Variants in RRM2 observed in about 807,000 individuals in gnomAD.
RRM2 encodes ribonucleoside-diphosphate reductase subunit M2.
A neutral mutation model predicts 45.9 loss-of-function variants in RRM2; 6 were observed. The observed-to-expected ratio is 0.13, with a 90% CI of 0.07 to 0.26. The LOEUF (loss-of-function observed/expected upper bound fraction) is 0.26, where lower values mean the gene tolerates loss of function less well. Ranked by LOEUF, RRM2 falls within the 10% of genes least tolerant of loss-of-function variation. RRM2 has a pLI of 1.00. For synonymous variants in RRM2, 177 were observed against 173.0 expected (o/e 1.02, Z -0.18); for missense variants, 343 against 489.5 (o/e 0.70, Z 2.82).
rs1664625197 is a variant in RRM2 at position 10,204,280 on chromosome 2, C to G, written n.483-6031C>G. ...GAGCCCAGAAAAAGGCCCCATCCAG[C>G]CTGTGGGATCAGAGGAGCCTTCTTG... is the stretch of plus-strand genomic sequence containing the variant. On this transcript the variant is annotated intron_variant and non_coding_transcript_variant, in intron 3 of 3. Coordinates refer to the RRM2 transcript ENST00000381786. This position sits in a 1 kb window ranked among gnomAD's most constrained non-coding sequence, Gnocchi z 4.0. Among the ~76,000 whole-genome samples, 1 of 152,184 alleles carries G rather than the reference C, an allele frequency of 6.6e-6. No individual in the cohort carries two copies. Among genetic ancestry groups the G allele is most frequent in the Non-Finnish European group, 1.5e-5 (1 of 68,042 alleles).
At chr2:10,164,380 A>G (rs1301665090) in intron 3 of RRM2, among the ~76,000 whole-genome samples, 2 of 152,110 alleles carry the variant, frequency 1.3e-5, no homozygotes, top group African/African-American at 4.8e-5. Context: ...GGCTTAATAC[A>G]CTTGGAAGCC....
chr2:10,136,020 C>T (rs1485045562), downstream of RRM2, among the ~76,000 whole-genome samples: 1 of 152,050 alleles, frequency 6.6e-6, no homozygotes, highest in African/African-American at 2.4e-5. Context: ...TGCTTTTATG[C>T]CAATTGCAGA....
rs1331980776 is a variant in RRM2 at position 10,195,383 on chromosome 2, C to T, written n.483-14928C>T. Among the ~76,000 whole-genome samples, 4 of 152,030 alleles carry T rather than the reference C, an allele frequency of 2.6e-5. No individual in the cohort carries two copies. The highest frequency in any genetic ancestry group is 1.9e-4 in the East Asian group (1 of 5,172). The stretch of plus-strand genomic sequence containing the variant: ...GAAGAGCGGACACAGGGCCTCTGAG[C>T]GGACAGTGCTGGCGGAGCCCTGGGG... On this transcript the variant is annotated intron_variant and non_coding_transcript_variant, in intron 3 of 3. Coordinates refer to the RRM2 transcript ENST00000381786. This position sits in a 1 kb window ranked among gnomAD's most constrained non-coding sequence, Gnocchi z 4.9.
At chr2:10,190,220 G>A (rs889011963) in intron 3 of RRM2, among the ~76,000 whole-genome samples, 1 of 150,888 alleles carries the variant, frequency 6.6e-6, no homozygotes, top group African/African-American at 2.4e-5. Flanking sequence ...TGGTGGAGAT[G>A]ATAGTGATGG....
intron 3 of RRM2, among the ~76,000 whole-genome samples, chr2:10,162,174 G>A (rs1663574955): frequency 6.6e-6 from 1 of 152,168 alleles, no homozygotes; most frequent in South Asian, 2.1e-4. Context: ...AAGAGTGCAC[G>A]GGATGCCCGG....
intron 3 of RRM2, chr2:10,199,055 G>C (rs1167184211): frequency 6.6e-6 from 1 of 152,186 alleles, no homozygotes; most frequent in Non-Finnish European, 1.5e-5. Flanking sequence ...AGACCCTATA[G>C]TTATAAAAGG....
At chr2:10,140,470 C>CCTG (rs1172108699), upstream of RRM2, among the ~76,000 whole-genome samples, 1 of 152,138 alleles carries the variant, frequency 6.6e-6, no homozygotes, top group Non-Finnish European at 1.5e-5. Context: ...CTGAGTAAGG[C>CCTG]CTGACCATGT....
At chr2:10,207,543 G>A (rs1572539392) in intron 3 of RRM2, among the ~76,000 whole-genome samples, 3 of 151,986 alleles carry the variant, frequency 2.0e-5, no homozygotes, top group African/African-American at 4.8e-5. Flanking sequence ...CTCACCTCCC[G>A]CCCCAGCCTC....
rs1171036798 is a variant in RRM2 at position 10,130,884 on chromosome 2, C to G, written c.*1498C>G. 1 of 152,164 alleles carries G rather than the reference C, an allele frequency of 6.6e-6. No individual in the cohort carries two copies. Among genetic ancestry groups the G allele is most frequent in the Non-Finnish European group, 1.5e-5 (1 of 68,044 alleles). The allele number at this position is 152,164 out of a possible 1,614,324, so 9.4% of individuals were successfully genotyped here. ...ACCTCAGGTGATCCACCCACCTCGG[C>G]CTCCCAAAGTGCTGGGATTGCAGGC... On this transcript the variant is annotated 3_prime_UTR_variant, in exon 10 of 10. Transcript: ENST00000304567.
intron 3 of RRM2, among the ~76,000 whole-genome samples, chr2:10,178,821 G>GT (rs1663986574): frequency 2.6e-5 from 4 of 152,184 alleles, no homozygotes; most frequent in Admixed American, 2.6e-4. Context: ...CACGAGGGCT[G>GT]TGACCTCATG....
Position 10,129,210 on chromosome 2 carries a change from A to G in RRM2, c.1018-24A>G. On this transcript the variant is annotated intron_variant, in intron 9 of 9. Transcript: ENST00000304567. The surrounding 1 kb of genome is among the most constrained non-coding windows in gnomAD (Gnocchi z 4.8). ...GTTTTGAAGCTGGTGCTCTGTATTT[A>G]TATCTTGATGTGAACCTTTTCAGGT... The G allele has an allele frequency of 6.2e-7, 1 of 1,613,922 alleles. No individual in the cohort carries two copies. The highest frequency in any genetic ancestry group is 8.5e-7 in the Non-Finnish European group (1 of 1,179,864).
At chr2:10,199,800 A>ACAAAAC in intron 3 of RRM2, among the ~76,000 whole-genome samples, 1 of 97,884 alleles carries the variant, frequency 1.0e-5, no homozygotes, top group South Asian at 3.8e-4. Flanking sequence ...AAAAAAAAAA[A>ACAAAAC]AAAAAAAAAC....
In RRM2 at chr2:10,130,618, G is replaced by C. The variant is rs1662878172; in HGVS notation, c.*1232G>C. 1 of 149,912 alleles carries C rather than the reference G, an allele frequency of 6.7e-6. No individual in the cohort carries two copies. Among genetic ancestry groups the C allele is most frequent in the South Asian group, 2.1e-4 (1 of 4,710 alleles). The allele number at this position is 149,912 out of a possible 1,614,324, so 9.3% of individuals were successfully genotyped here. A position where few individuals can be genotyped will look rare whatever the true frequency, so the allele number is the denominator to read the frequency against. ...AGTTTCCATTCAAATATTAATTTCA[G>C]AATGAAACATAATTTTTTTTTTTTT... On this transcript the variant is annotated 3_prime_UTR_variant, in exon 10 of 10. Transcript: ENST00000304567.
chr2:10,145,123 C>A (rs2125313131), intron 3 of RRM2, among the ~76,000 whole-genome samples: 1 of 152,240 alleles, frequency 6.6e-6, no homozygotes, highest in South Asian at 2.1e-4. Context: ...GAGGCTCTTG[C>A]ATTCCAGGCA....
chr2:10,175,182 T>C (rs1008129647), intron 3 of RRM2, among the ~76,000 whole-genome samples: 7 of 152,380 alleles, frequency 4.6e-5, no homozygotes, highest in Non-Finnish European at 8.8e-5. Flanking sequence ...TCTGCTAGGA[T>C]ATAGAGCATG....
At chr2:10,206,659 A>T (rs1179461841) in intron 3 of RRM2, among the ~76,000 whole-genome samples, 5 of 152,238 alleles carry the variant, frequency 3.3e-5, no homozygotes, top group South Asian at 2.1e-4. Flanking sequence ...TCAGATCAGG[A>T]ACCATAACAA....
At chr2:10,192,895 G>T (rs551112149) in intron 3 of RRM2, among the ~76,000 whole-genome samples, 48 of 152,350 alleles carry the variant, frequency 3.2e-4, no homozygotes, top group Admixed American at 3.1e-3. Context: ...TCCTCCAGCA[G>T]GAGGTAGCTT....
At chr2:10,188,092 C>A (rs1411058285) in intron 3 of RRM2, among the ~76,000 whole-genome samples, 1 of 152,212 alleles carries the variant, frequency 6.6e-6, no homozygotes, top group Non-Finnish European at 1.5e-5. Flanking sequence ...ATGGGTGAGA[C>A]ACTCTGCGCC....
chr2:10,129,164 T>G lies in RRM2; in HGVS notation c.1017+10T>G, dbSNP rs768110234. The G allele has an allele frequency of 6.2e-7, 1 of 1,613,918 alleles. No individual in the cohort carries two copies. Among genetic ancestry groups the G allele is most frequent in the Non-Finnish European group, 8.5e-7 (1 of 1,179,770 alleles). On this transcript the variant is annotated intron_variant, in intron 9 of 9. Coordinates refer to ENST00000304567, the MANE Select transcript of RRM2 (RefSeq NM_001034.4). This position sits in a 1 kb window ranked among gnomAD's most constrained non-coding sequence, Gnocchi z 4.8. The stretch of plus-strand genomic sequence containing the variant: ...ACTGGGTTTTAGCAAGGTAAAGTAT[T>G]GTTTACATAGCCTTTTGCTTGTTTT...
Sources: allele counts gnomAD v4.1 joint callset (sites outside exome capture counted in the v4.1 genomes callset), GRCh38; gene constraint gnomAD v4.1.1; non-coding constraint Gnocchi (gnomAD v3.1); transcripts MANE v1.5; gene names NCBI Gene and HGNC (gene_info 2026-07-23, HGNC 2026-07-21).